RB1CC1: variants seen among roughly 807,000 people sequenced by gnomAD.
RB1CC1 encodes RB1-inducible coiled-coil protein 1.
A neutral mutation model predicts 177.5 loss-of-function variants in RB1CC1; 46 were observed. The ratio of observed to expected loss-of-function variants is 0.26; its 90% CI spans 0.20 to 0.33. The LOEUF (loss-of-function observed/expected upper bound fraction) is 0.33, where lower values mean the gene tolerates loss of function less well. Among genes scored for constraint, RB1CC1 ranks in the 10% least tolerant of loss-of-function variants. The pLI is 1.00. For missense variants in RB1CC1, 1,703 were observed against 1,816.3 expected (o/e 0.94, Z 1.13); for synonymous variants, 666 against 613.6 (o/e 1.09, Z -1.26).
intron 8 of RB1CC1, among the ~76,000 whole-genome samples, chr8:52,662,482 A>G (rs945578377): frequency 6.6e-6 from 1 of 152,046 alleles, no homozygotes; most frequent in Admixed American, 6.5e-5. Flanking sequence ...TAATAAGGTT[A>G]TTACTACATA....
At chr8:52,642,303 C>T in intron 18 of RB1CC1, 48 bp downstream of exon 18, 1 of 1,576,804 alleles carries the variant, frequency 6.3e-7, no homozygotes. Flanking sequence ...CTTTATAACT[C>T]ATGGAATTGC....
chr8:52,675,255 C>CA (rs1563422243), intron 6 of RB1CC1, among the ~76,000 whole-genome samples: 1 of 151,892 alleles, frequency 6.6e-6, no homozygotes, highest in African/African-American at 2.4e-5. Context: ...TACCACAAAA[C>CA]AGAGAAATCT....
intron 1 of RB1CC1, among the ~76,000 whole-genome samples, chr8:52,708,713 T>G (rs1856806235): frequency 6.6e-6 from 1 of 152,108 alleles, no homozygotes; most frequent in Non-Finnish European, 1.5e-5. Context: ...TATGAGGACA[T>G]CTGGTCCTCC....
At chr8:52,652,036 C>A (rs979471072) in intron 15 of RB1CC1, among the ~76,000 whole-genome samples, 1 of 152,098 alleles carries the variant, frequency 6.6e-6, no homozygotes, top group African/African-American at 2.4e-5. Flanking sequence ...TTTAAATATT[C>A]CTTTCCTTTT....
At chr8:52,672,051 T>G (rs16918087) in intron 7 of RB1CC1, among the ~76,000 whole-genome samples, 4,455 of 152,306 alleles carry the variant, frequency 0.029, 248 homozygotes, top group African/African-American at 0.1. Flanking sequence ...CCCTATTCAA[T>G]GTAGCATTAA....
At chr8:52,662,855 T>TAA (rs1004107477) in intron 8 of RB1CC1, among the ~76,000 whole-genome samples, 1 of 152,064 alleles carries the variant, frequency 6.6e-6, no homozygotes, top group African/African-American at 2.4e-5. Flanking sequence ...TGTAATCTAT[T>TAA]AAAAAACAAT....
intron 20 of RB1CC1, among the ~76,000 whole-genome samples, chr8:52,632,305 T>C (rs1031059786): frequency 5.3e-5 from 8 of 152,154 alleles, no homozygotes; most frequent in Non-Finnish European, 1.2e-4. Flanking sequence ...ATTTTGTTTA[T>C]TAAGTCAAAT....
intron 5 of RB1CC1, among the ~76,000 whole-genome samples, chr8:52,681,477 G>C (rs1853712274): frequency 6.6e-6 from 1 of 152,122 alleles, no homozygotes; most frequent in Admixed American, 6.5e-5. Flanking sequence ...CAGAAAATCT[G>C]ACTTTAGAGA....
At chr8:52,707,801 C>G (rs978264103) in intron 1 of RB1CC1, among the ~76,000 whole-genome samples, 5 of 152,118 alleles carry the variant, frequency 3.3e-5, no homozygotes, top group African/African-American at 1.2e-4. Context: ...ATCTGCCCAC[C>G]CCTCTTAGCA....
At chr8:52,637,764 A>G (rs1031405551) in intron 18 of RB1CC1, among the ~76,000 whole-genome samples, 1 of 152,004 alleles carries the variant, frequency 6.6e-6, no homozygotes, top group African/African-American at 2.4e-5. Context: ...TCTGCCTCCC[A>G]GGTTCAATCA....
intron 1 of RB1CC1, among the ~76,000 whole-genome samples, chr8:52,707,511 A>C (rs1247824575): frequency 7.3e-6 from 1 of 137,668 alleles, no homozygotes; most frequent in Non-Finnish European, 1.5e-5. Flanking sequence ...AGTCCTACCC[A>C]TTTTTTTCCT....
intron 15 of RB1CC1, among the ~76,000 whole-genome samples, chr8:52,655,523 G>C (rs1303623575): frequency 6.6e-6 from 1 of 152,022 alleles, no homozygotes; most frequent in African/African-American, 2.4e-5. Flanking sequence ...TTCAAGCACA[G>C]AGGAAATAAC....
At chr8:52,660,721 G>A in intron 11 of RB1CC1, 64 bp from the exon 12 acceptor site, 2 of 1,423,896 alleles carry the variant, frequency 1.4e-6, no homozygotes, top group Non-Finnish European at 1.9e-6. Context: ...AATTATCTCT[G>A]GTTTTTGAAA....
rs139267407 is a variant in RB1CC1, at chr8:52,650,670, G to A, written c.3822-4803C>T. Among the ~76,000 whole-genome samples the A allele has an allele frequency of 1.0e-3, 154 of 152,224 alleles. 2 individuals carry two copies. The East Asian group carries it at 0.027, about 26-fold the overall frequency. Reference sequence around the variant, plus strand: ...GGAAAAAAAAATCCCATAAAACATGGAAACTGAGATTAATTCTCTGATCTG... The same window carrying A: ...GGAAAAAAAAATCCCATAAAACATGAAAACTGAGATTAATTCTCTGATCTG... On this transcript the variant is annotated intron_variant, in intron 15 of 23. Coordinates refer to ENST00000025008, the MANE Select transcript of RB1CC1 (RefSeq NM_014781.5).
intron 7 of RB1CC1, among the ~76,000 whole-genome samples, chr8:52,671,802 T>G (rs1255881174): frequency 6.6e-6 from 1 of 152,150 alleles, no homozygotes; most frequent in Non-Finnish European, 1.5e-5. Flanking sequence ...GCTGCACAGA[T>G]CATCCTAGCA....
intron 20 of RB1CC1, among the ~76,000 whole-genome samples, chr8:52,634,098 C>A (rs1044636223): frequency 7.2e-5 from 11 of 151,988 alleles, no homozygotes; most frequent in Middle Eastern, 3.2e-3. Context: ...GCCTGGGCAA[C>A]AGAGAGAGAC....
At chr8:52,631,987 G>A (rs1470034819) in intron 20 of RB1CC1, among the ~76,000 whole-genome samples, 1 of 152,158 alleles carries the variant, frequency 6.6e-6, no homozygotes, top group Non-Finnish European at 1.5e-5. Context: ...TGAAACTTCT[G>A]AGATGTCTCA....
intron 14 of RB1CC1, 40 bp downstream of exon 14, chr8:52,657,958 T>C: frequency 1.2e-6 from 2 of 1,613,192 alleles, no homozygotes; most frequent in Non-Finnish European, 1.7e-6. Context: ...ACAAACATTT[T>C]ACACTAATGA....
chr8:52,634,704 G>A (rs969244709), intron 20 of RB1CC1, among the ~76,000 whole-genome samples: 3 of 152,072 alleles, frequency 2.0e-5, no homozygotes, highest in African/African-American at 2.4e-5. Flanking sequence ...TTAATTTCAC[G>A]CTAAGGAAAA....
Sources: gnomAD v4.1 joint callset for allele counts (sites outside exome capture counted in the v4.1 genomes callset) on GRCh38, gnomAD v4.1.1 for gene constraint, MANE v1.5 for transcripts, NCBI Gene and HGNC (gene_info 2026-07-23, HGNC 2026-07-21) for gene names.